Variants in EDIL3 observed in about 807,000 individuals in gnomAD.
The protein encoded by EDIL3 is EGF like and discoidin domains 3.
In EDIL3, 37 loss-of-function variants were observed where a neutral mutation model predicts 67.4. The ratio of observed to expected loss-of-function variants is 0.55; its 90% CI spans 0.42 to 0.72. The LOEUF (loss-of-function observed/expected upper bound fraction) is 0.72. EDIL3 is among the 30% of genes least tolerant of loss of function. The probability of loss-of-function intolerance (pLI) is 0.00; values close to 1 mark genes in which losing one functional copy is unlikely to be tolerated. For missense variants in EDIL3, 527 were observed against 586.3 expected (o/e 0.90, Z 1.04); for synonymous variants, 195 against 196.3 (o/e 0.99, Z 0.05).
In EDIL3 at chr5:83,943,458, T is replaced by C. The variant is rs774275034; in HGVS notation, c.1404A>G (p.Thr468=). The C allele has an allele frequency of 1.2e-6, 2 of 1,612,692 alleles. No homozygotes were observed. Among genetic ancestry groups the C allele is most frequent in the Admixed American group, 1.7e-5 (1 of 59,886 alleles). The change falls in exon 11 of 11, where the codon ACA becomes ACG. Residue 468 remains threonine, a synonymous_variant. Coordinates refer to ENST00000296591, the MANE Select transcript of EDIL3 (RefSeq NM_005711.5). ...TGCAGCCCAGCAGCTCTGACCGCAATGTGATCCTCCCGTACCAGGACCAAG... is the reference window on the plus strand; with the variant it reads ...TGCAGCCCAGCAGCTCTGACCGCAACGTGATCCTCCCGTACCAGGACCAAG... ...ILPWSWYGRI[T]LRSELLGCTE...
At chr5:84,287,426 GC>G (rs1745830161) in intron 1 of EDIL3, among the ~76,000 whole-genome samples, 1 of 152,064 alleles carries the variant, frequency 6.6e-6, no homozygotes, top group Admixed American at 6.6e-5. Context: ...CAACAGTATT[GC>G]TTTTCAGATT....
chr5:84,371,433 G>GTATA (rs71879324), intron 1 of EDIL3, among the ~76,000 whole-genome samples: 2 of 128,364 alleles, frequency 1.6e-5, no homozygotes, highest in African/African-American at 3.1e-5. Context: ...ATATGTGTGT[G>GTATA]TATATATATA....
chr5:84,315,508 A>G (rs761976376), intron 1 of EDIL3, among the ~76,000 whole-genome samples: 1 of 152,214 alleles, frequency 6.6e-6, no homozygotes, highest in Non-Finnish European at 1.5e-5. Context: ...AAAAAGATTT[A>G]ACACCTCATT....
intron 4 of EDIL3, among the ~76,000 whole-genome samples, chr5:84,146,405 TCCCACTTCATCA>T (rs1353915435): frequency 6.6e-6 from 1 of 152,114 alleles, no homozygotes; most frequent in Non-Finnish European, 1.5e-5. Context: ...ATATTAGTAC[TCCCACTTCATCA>T]CCTCTTCTTA....
intron 1 of EDIL3, among the ~76,000 whole-genome samples, chr5:84,310,650 T>C (rs1174447307): frequency 6.6e-6 from 1 of 152,190 alleles, no homozygotes; most frequent in Non-Finnish European, 1.5e-5. Flanking sequence ...AAATATTTGC[T>C]GTGTCCTAAG....
At chr5:84,360,527 C>T (rs1747575700) in intron 1 of EDIL3, among the ~76,000 whole-genome samples, 1 of 152,102 alleles carries the variant, frequency 6.6e-6, no homozygotes, top group South Asian at 2.1e-4. Flanking sequence ...AATTGAATGC[C>T]CTTTTCAATC....
intron 1 of EDIL3, among the ~76,000 whole-genome samples, chr5:84,336,226 A>C (rs1421207451): frequency 1.3e-5 from 2 of 152,212 alleles, no homozygotes; most frequent in Non-Finnish European, 2.9e-5. Context: ...TAGCATGTTC[A>C]ATGACAAGTA....
intron 1 of EDIL3, 92 bp from the exon 2 acceptor site, chr5:84,254,304 C>A (rs1745088067): frequency 7.2e-7 from 1 of 1,385,520 alleles, no homozygotes; most frequent in Admixed American, 2.6e-5. Context: ...GTTCCCTTGG[C>A]AAAGTCAAAA....
At chr5:84,113,956 C>A (rs1224223274) in intron 5 of EDIL3, among the ~76,000 whole-genome samples, 1 of 152,086 alleles carries the variant, frequency 6.6e-6, no homozygotes, top group Non-Finnish European at 1.5e-5. Context: ...TAGTGATGAC[C>A]TCCAGTACTG....
chr5:84,089,590 G>T (rs530692233), intron 6 of EDIL3, among the ~76,000 whole-genome samples: 1 of 152,270 alleles, frequency 6.6e-6, no homozygotes, highest in South Asian at 2.1e-4. Context: ...ACTAGGCATT[G>T]TGTTAGGTAT....
rs1222187366 is a variant in EDIL3, at chr5:84,384,365, A to G, written c.10T>C (p.Ser4Pro). 6.2e-7 allele frequency: 1 copy of G among 1,612,398 alleles called. No individual in the cohort carries two copies. The change falls in exon 1 of 11, where the codon TCG becomes CCG. Residue 4 changes from serine to proline, a missense_variant. Physicochemically the swap from Ser to Pro is moderately conservative, Grantham distance 74. Transcript: ENST00000296591. Reference protein sequence around the residue: MKRSVAVWLLVGLS... With the variant: MKRPVAVWLLVGLS... ...CCGACCAAGAGCCAGACGGCTACCG[A>G]GCGCTTCATGATCCCGTCTCCCGGA... is the stretch of plus-strand genomic sequence containing the variant.
At chr5:84,145,465 G>A (rs1481373496) in intron 4 of EDIL3, among the ~76,000 whole-genome samples, 2 of 152,000 alleles carry the variant, frequency 1.3e-5, no homozygotes, top group East Asian at 3.9e-4. Context: ...TTTAGTCCTT[G>A]GATACTGGAG....
chr5:83,962,504 A>G (rs989805650), intron 10 of EDIL3, among the ~76,000 whole-genome samples: 4 of 151,626 alleles, frequency 2.6e-5, no homozygotes, highest in Non-Finnish European at 5.9e-5. Context: ...TACTATGAAA[A>G]GATGCTCAAA....
At chr5:84,380,986 C>T (rs1482721759) in intron 1 of EDIL3, among the ~76,000 whole-genome samples, 1 of 151,826 alleles carries the variant, frequency 6.6e-6, no homozygotes, top group Non-Finnish European at 1.5e-5. Flanking sequence ...TTTATATGAA[C>T]ATTGATGTCA....
chr5:84,334,238 A>G (rs1008541838), intron 1 of EDIL3, among the ~76,000 whole-genome samples: 1 of 151,666 alleles, frequency 6.6e-6, no homozygotes, highest in East Asian at 1.9e-4. Flanking sequence ...ATTTTTTTGT[A>G]TTTTTAGTAG....
chr5:84,354,987 C>T (rs1224326329), intron 1 of EDIL3, among the ~76,000 whole-genome samples: 1 of 152,082 alleles, frequency 6.6e-6, no homozygotes, highest in Non-Finnish European at 1.5e-5. Flanking sequence ...CGAGGAGTAT[C>T]TTTGTGGTGT....
intron 9 of EDIL3, among the ~76,000 whole-genome samples, chr5:83,987,988 C>T (rs985672826): frequency 3.3e-5 from 5 of 151,594 alleles, no homozygotes; most frequent in Non-Finnish European, 5.9e-5. Context: ...AGGCATCCAA[C>T]GGGAGTACAG....
chr5:84,027,631 G>A (rs1395390885), intron 9 of EDIL3, among the ~76,000 whole-genome samples: 2 of 143,140 alleles, frequency 1.4e-5, no homozygotes, highest in Non-Finnish European at 3.0e-5. Context: ...GGAAAATAGG[G>A]ACACTTTGAA....
intron 9 of EDIL3, among the ~76,000 whole-genome samples, chr5:84,010,506 T>C (rs1745498963): frequency 6.6e-6 from 1 of 152,164 alleles, no homozygotes. Flanking sequence ...CAGTACAGGT[T>C]CTATTTCCTC....
Sources: allele counts gnomAD v4.1 joint callset (sites outside exome capture counted in the v4.1 genomes callset), GRCh38; gene constraint gnomAD v4.1.1; transcripts MANE v1.5; gene names NCBI Gene and HGNC (gene_info 2026-07-23, HGNC 2026-07-21).